SLC9A4: variants seen among roughly 807,000 people sequenced by gnomAD.
SLC9A4 encodes solute carrier family 9 member A4, also known as sodium/hydrogen exchanger 4.
A neutral mutation model predicts 67.4 loss-of-function variants in SLC9A4; 63 were observed. The ratio of observed to expected loss-of-function variants is 0.93; its 90% CI spans 0.76 to 1.15. The LOEUF is 1.15. SLC9A4 is among the 50% of genes most tolerant of loss of function. The pLI, the probability that SLC9A4 is intolerant of heterozygous loss-of-function variation, is 0.00. For synonymous variants in SLC9A4, 393 were observed against 367.2 expected, an observed-to-expected ratio of 1.07 and a Z score of -0.80; for missense variants, 1,089 against 987.7, an observed-to-expected ratio of 1.10 and a Z score of -1.38.
Position 102,525,021 on chromosome 2 carries a change from C to A in SLC9A4, c.1819-3C>A. ...CGTATTTGACATTCCATTTTCTCTGCAGACCCTGTCCTACAACAAATACAA... is the reference window on the plus strand; with the variant it reads ...CGTATTTGACATTCCATTTTCTCTGAAGACCCTGTCCTACAACAAATACAA... On this transcript the variant is annotated splice_polypyrimidine_tract_variant and splice_region_variant and intron_variant, in intron 9 of 11. Coordinates refer to ENST00000295269, the MANE Select transcript of SLC9A4 (RefSeq NM_001011552.4). The A allele has an allele frequency of 6.2e-7, 1 of 1,613,816 alleles. No individual in the cohort carries two copies. Among genetic ancestry groups the A allele is most frequent in the Non-Finnish European group, 8.5e-7 (1 of 1,179,814 alleles).
At chr2:102,507,707 C>G (rs1685078197) in intron 4 of SLC9A4, among the ~76,000 whole-genome samples, 1 of 152,110 alleles carries the variant, frequency 6.6e-6, no homozygotes. Flanking sequence ...TTTATCCCCC[C>G]ACCCACTCAA....
At chr2:102,519,171 G>A (rs557404582) in intron 8 of SLC9A4, among the ~76,000 whole-genome samples, 29 of 152,246 alleles carry the variant, frequency 1.9e-4, no homozygotes, top group Non-Finnish European at 1.5e-4. Context: ...TTCAGAGGTG[G>A]GAAGGGGTCA....
chr2:102,509,952 G>T (rs902402724), intron 6 of SLC9A4, among the ~76,000 whole-genome samples: 3 of 151,480 alleles, frequency 2.0e-5, no homozygotes, highest in Non-Finnish European at 2.9e-5. Context: ...CTAATCTCTT[G>T]CAACTCTTTG....
chr2:102,479,434 G>A, intron 2 of SLC9A4, 132 bp downstream of exon 2: 1 of 938,912 alleles, frequency 1.1e-6, no homozygotes, highest in South Asian at 1.7e-5. Context: ...AGCCCATGCG[G>A]TGTGGTCCGA....
chr2:102,533,707 T>C lies in SLC9A4; in HGVS notation c.*1019T>C, dbSNP rs866823847. On this transcript the variant is annotated 3_prime_UTR_variant, in exon 12 of 12. Coordinates refer to ENST00000295269, the MANE Select transcript of SLC9A4 (RefSeq NM_001011552.4). Reference sequence around the variant, plus strand: ...CCCTTCCTGTGTCCATGTGATCTCATTGTTCAATTCCCACCTATGAGTGAG... The same window carrying C: ...CCCTTCCTGTGTCCATGTGATCTCACTGTTCAATTCCCACCTATGAGTGAG... 7.5e-3 allele frequency: 1,045 copies of C among 140,076 alleles called. 12 individuals are homozygous for C. The highest frequency in any genetic ancestry group is 0.025 in the African/African-American group (927 of 37,632). 8.7% of individuals were successfully genotyped at this position (140,076 alleles called of 1,614,324 possible).
At chr2:102,508,395 C>G in intron 5 of SLC9A4, 114 bp downstream of exon 5, 1 of 992,776 alleles carries the variant, frequency 1.0e-6, no homozygotes, top group South Asian at 1.8e-5. Context: ...GCTCAATACC[C>G]AAACTAAATT....
At chr2:102,501,340 C>T (rs925569813) in intron 2 of SLC9A4, among the ~76,000 whole-genome samples, 11 of 152,070 alleles carry the variant, frequency 7.2e-5, no homozygotes, top group African/African-American at 1.9e-4. Context: ...TGGCTGGTCT[C>T]GAACTCCTGA....
chr2:102,526,535 G>C (rs7576324), intron 11 of SLC9A4, among the ~76,000 whole-genome samples, 189 bp downstream of exon 11: 10 of 152,134 alleles, frequency 6.6e-5, no homozygotes, highest in African/African-American at 2.4e-4. Context: ...TTTGAATTTC[G>C]TATAATTTTT....
rs929530548 is a variant in SLC9A4, at chr2:102,532,490, A to T, written c.2199A>T (p.Gln733His). 11 of 1,614,076 alleles carry T rather than the reference A, an allele frequency of 6.8e-6. No homozygotes were observed. The African/African-American group carries it at 1.3e-4, about 20-fold the overall frequency. Residue 733 changes from glutamine (Q) to histidine (H), a missense_variant, in exon 12 of 12, where the codon CAA (glutamine) becomes CAT (histidine). Transcript: ENST00000295269. The part of the protein sequence containing the change: ...FSFGYQRNTS[Q>H]EEYLGGVRRV... ...TTGGTTATCAAAGAAACACAAGCCA[A>T]GAAGAGTACTTGGGTGGAGTAAGGA...
intron 2 of SLC9A4, among the ~76,000 whole-genome samples, chr2:102,483,512 A>G (rs1029248218): frequency 1.3e-5 from 2 of 152,150 alleles, no homozygotes; most frequent in African/African-American, 2.4e-5. Context: ...TTCATCCACG[A>G]AAGAGCTGCC....
chr2:102,508,462 C>A (rs1685093957), intron 5 of SLC9A4, among the ~76,000 whole-genome samples, 181 bp downstream of exon 5: 1 of 152,110 alleles, frequency 6.6e-6, no homozygotes, highest in African/African-American at 2.4e-5. Context: ...AATGTATTGC[C>A]TTTTAATCAA....
intron 11 of SLC9A4, among the ~76,000 whole-genome samples, chr2:102,531,864 CTA>C (rs1185819813): frequency 1.3e-5 from 2 of 152,160 alleles, no homozygotes; most frequent in East Asian, 3.9e-4. Context: ...TTGACTTTTT[CTA>C]TATCAAAGAT....
At chr2:102,519,817 A>T in intron 8 of SLC9A4, 42 bp from the exon 9 acceptor site, 1 of 1,602,108 alleles carries the variant, frequency 6.2e-7, no homozygotes, top group Non-Finnish European at 8.5e-7. Context: ...CTCTTGCCAA[A>T]TGAAAGAATA....
In SLC9A4 at chr2:102,508,087, G is replaced by T; in HGVS notation, c.1207G>T (p.Ala403Ser). 6.2e-7 allele frequency: 1 copy of T among 1,614,032 alleles called. No homozygotes were observed. Among genetic ancestry groups the T allele is most frequent in the Non-Finnish European group, 8.5e-7 (1 of 1,179,968 alleles). ...CQIWRAISVF[A>S]LFYISNQFRT... ...CGTTTCCCCCTTTCTAGGCGTATTT[G>T]CTCTCTTCTATATCAGTAACCAGTT... The change falls in exon 5 of 12, where the codon GCT becomes TCT. Residue 403 changes from alanine to serine, a missense_variant. Coordinates refer to ENST00000295269, the MANE Select transcript of SLC9A4 (RefSeq NM_001011552.4).
At chr2:102,482,163 C>A (rs1333573262) in intron 2 of SLC9A4, among the ~76,000 whole-genome samples, 1 of 152,176 alleles carries the variant, frequency 6.6e-6, no homozygotes, top group Non-Finnish European at 1.5e-5. Context: ...TCCAGACTGT[C>A]ATAGGATTCA....
Position 102,510,231 on chromosome 2 carries a change from G to A in SLC9A4, c.1488+1298G>A, listed in dbSNP as rs61116584. Reference sequence around the variant, plus strand: ...TAGATATAGATACAGATACGGATACGGATACAGATACAGATACAGATACAG... The same window carrying A: ...TAGATATAGATACAGATACGGATACAGATACAGATACAGATACAGATACAG... On this transcript the variant is annotated intron_variant, in intron 6 of 11. Coordinates refer to ENST00000295269, the MANE Select transcript of SLC9A4 (RefSeq NM_001011552.4). Among the ~76,000 whole-genome samples the A allele has an allele frequency of 2.5e-3, 345 of 137,008 alleles. 4 individuals carry two copies. The East Asian group carries it at 0.039, about 16-fold the overall frequency. 89.9% of individuals were successfully genotyped at this position (137,008 alleles called of 152,430 possible). A position where few individuals can be genotyped will look rare whatever the true frequency, so the allele number is the denominator to read the frequency against.
At chr2:102,501,545 A>G (rs1684941564) in intron 2 of SLC9A4, among the ~76,000 whole-genome samples, 1 of 152,066 alleles carries the variant, frequency 6.6e-6, no homozygotes, top group South Asian at 2.1e-4. Flanking sequence ...ACGCCCAGCC[A>G]AAAACAACAA....
chr2:102,515,083 A>G lies in SLC9A4; in HGVS notation c.1721+832A>G, dbSNP rs1228863645. 7.2e-5 allele frequency among the ~76,000 whole-genome samples: 11 copies of G among 152,226 alleles called. No homozygotes were observed. The East Asian group carries it at 2.1e-3, about 30-fold the overall frequency. ...AAAGATGCCCAGTTTTTCTCCAACA[A>G]CTGATTTATTGGGAAAATTAATCAC... is the stretch of plus-strand genomic sequence containing the variant. On this transcript the variant is annotated intron_variant, in intron 8 of 11. Coordinates refer to ENST00000295269, the MANE Select transcript of SLC9A4 (RefSeq NM_001011552.4).
intron 8 of SLC9A4, among the ~76,000 whole-genome samples, chr2:102,518,505 G>T (rs112876150): frequency 2.6e-5 from 4 of 152,130 alleles, no homozygotes; most frequent in African/African-American, 9.7e-5. Flanking sequence ...GGTGGTAACT[G>T]TATATCAATA....
Sources: allele counts gnomAD v4.1 joint callset (sites outside exome capture counted in the v4.1 genomes callset), GRCh38; gene constraint gnomAD v4.1.1; transcripts MANE v1.5; gene names NCBI Gene and HGNC (gene_info 2026-07-23, HGNC 2026-07-21).